The following PPP2R1B variants were observed in gnomAD, a reference collection of about 807,000 sequenced individuals.
PPP2R1B encodes serine/threonine-protein phosphatase 2A 65 kDa regulatory subunit A beta isoform.
In PPP2R1B, 58 loss-of-function variants were observed where a neutral mutation model predicts 72.7. The ratio of observed to expected loss-of-function variants is 0.80; its 90% CI spans 0.65 to 0.99. The LOEUF is 0.99. Ranked by LOEUF, PPP2R1B falls within the 50% of genes least tolerant of loss-of-function variation. PPP2R1B has a pLI of 0.00. For missense variants in PPP2R1B, 695 were observed against 733.6 expected (o/e 0.95, Z 0.61); for synonymous variants, 256 against 264.6 (o/e 0.97, Z 0.32).
chr11:111,723,369 C>A, downstream of PPP2R1B: 1 of 1,033,858 alleles, frequency 9.7e-7, no homozygotes, highest in Non-Finnish European at 1.4e-6. Context: ...CCCATTCCCA[C>A]TTGTTTTTGC....
At chr11:111,702,972 T>C in the PPP2R1B span, among the ~76,000 whole-genome samples, 1 of 152,108 alleles carries the variant, frequency 6.6e-6, no homozygotes, top group East Asian at 1.9e-4. Context: ...AAGTTTCCTT[T>C]AGCCCAGAAT....
chr11:111,733,452 G>C (rs996720929), downstream of PPP2R1B, among the ~76,000 whole-genome samples: 2 of 152,144 alleles, frequency 1.3e-5, no homozygotes, highest in Admixed American at 1.3e-4. Flanking sequence ...GAGGCATTAG[G>C]GATTGAGCTT....
At chr11:111,708,541 TA>T in the PPP2R1B span, among the ~76,000 whole-genome samples, 6 of 152,168 alleles carry the variant, frequency 3.9e-5, no homozygotes, top group South Asian at 2.1e-4. Context: ...AAATACGTCA[TA>T]TTTTTTTCTC....
chr11:111,723,779 GCTC>G (rs1943877466), downstream of PPP2R1B: 12 of 1,613,802 alleles, frequency 7.4e-6, no homozygotes, highest in African/African-American at 1.3e-5. Context: ...TCCCCGGGCT[GCTC>G]CTCCTCTGCC....
At chr11:111,753,335 T>A in intron 9 of PPP2R1B, 108 bp downstream of exon 9, 2 of 1,405,696 alleles carry the variant, frequency 1.4e-6, no homozygotes, top group Non-Finnish European at 1.9e-6. Context: ...AAGTTATGAT[T>A]TTTTTATCCA....
rs150560721 is a variant in PPP2R1B, at chr11:111,727,230, C to G, written c.1912-173G>C. On this transcript the variant is annotated intron_variant, in intron 15 of 15. Coordinates refer to the PPP2R1B transcript ENST00000311129. Reference sequence around the variant, plus strand: ...ACACCATCCACCTTGAGAATCCCTGCGTGGGAGAGCATCAGGGCCCACCAG... The same window carrying G: ...ACACCATCCACCTTGAGAATCCCTGGGTGGGAGAGCATCAGGGCCCACCAG... 7.7e-3 allele frequency: 4,807 copies of G among 625,758 alleles called. 23 individuals carry two copies. Among genetic ancestry groups the G allele is most frequent in the Middle Eastern group, 0.022 (52 of 2,326 alleles). The allele number at this position is 625,758 out of a possible 1,614,324, so 38.8% of individuals were successfully genotyped here.
chr11:111,761,231 G>C (rs1431561077), intron 3 of PPP2R1B, 180 bp from the exon 4 acceptor site: 1 of 702,870 alleles, frequency 1.4e-6, no homozygotes, highest in Non-Finnish European at 2.6e-6. Flanking sequence ...CCAACCCAAA[G>C]ACACGACTTC....
the PPP2R1B span, among the ~76,000 whole-genome samples, chr11:111,692,863 A>T: frequency 6.6e-6 from 1 of 152,230 alleles, no homozygotes; most frequent in Non-Finnish European, 1.5e-5. Flanking sequence ...AAATAAGCTG[A>T]ATAAATGAAC....
the PPP2R1B span, chr11:111,701,397 CAAAG>C: frequency 6.3e-7 from 1 of 1,578,704 alleles, no homozygotes; most frequent in Non-Finnish European, 8.6e-7. This position sits in a 1 kb window ranked among gnomAD's most constrained non-coding sequence, Gnocchi z 4.2. Flanking sequence ...TTCAGGAAAA[CAAAG>C]AGTGTTTGAC....
At chr11:111,710,331 G>C in the PPP2R1B span, among the ~76,000 whole-genome samples, 1 of 152,134 alleles carries the variant, frequency 6.6e-6, no homozygotes, top group African/African-American at 2.4e-5. Flanking sequence ...GTATGCAGTT[G>C]TTTACTTGTT....
rs2136036924 is a variant in PPP2R1B at position 111,739,996 on chromosome 11, G to A, written c.*1600C>T. The A allele has an allele frequency of 6.1e-6, 6 of 981,504 alleles. No individual in the cohort carries two copies. Among genetic ancestry groups the A allele is most frequent in the South Asian group, 9.4e-5 (2 of 21,204 alleles). 60.8% of individuals were successfully genotyped at this position (981,504 alleles called of 1,614,324 possible). ...ATTTTAAAGTATTTAGTAAAACTTG[G>A]TTTTATGTAACAAATATACAAAGTC... On this transcript the variant is annotated 3_prime_UTR_variant, in exon 15 of 15. Transcript: ENST00000527614.
chr11:111,748,477 A>G (rs1456292840), intron 10 of PPP2R1B, among the ~76,000 whole-genome samples: 5 of 152,242 alleles, frequency 3.3e-5, no homozygotes, highest in Non-Finnish European at 7.3e-5. Flanking sequence ...CCAGTTAAAG[A>G]GAGTATTTTC....
chr11:111,718,440 A>T, the PPP2R1B span, among the ~76,000 whole-genome samples: 47 of 152,302 alleles, frequency 3.1e-4, no homozygotes, highest in African/African-American at 1.1e-3. Context: ...GCCAGTGTGG[A>T]AAGGAAGCAT....
the PPP2R1B span, among the ~76,000 whole-genome samples, chr11:111,703,944 G>C: frequency 6.6e-6 from 1 of 152,084 alleles, no homozygotes; most frequent in African/African-American, 2.4e-5. Context: ...AATTCCTCTT[G>C]GCTTTTATTT....
chr11:111,705,364 A>G, the PPP2R1B span, among the ~76,000 whole-genome samples: 1 of 152,182 alleles, frequency 6.6e-6, no homozygotes, highest in African/African-American at 2.4e-5. The surrounding 1 kb of genome is among the most constrained non-coding windows in gnomAD (Gnocchi z 4.3). Flanking sequence ...ATCATTCACA[A>G]TGTTGAGAAT....
the PPP2R1B span, among the ~76,000 whole-genome samples, chr11:111,703,914 G>A: frequency 2.6e-5 from 4 of 152,176 alleles, no homozygotes; most frequent in African/African-American, 9.6e-5. Context: ...ATAGAACTGT[G>A]AAGGGTCATG....
chr11:111,709,497 AAAG>A, the PPP2R1B span, among the ~76,000 whole-genome samples: 1 of 152,248 alleles, frequency 6.6e-6, no homozygotes, highest in Non-Finnish European at 1.5e-5. Context: ...CACAAAGTCC[AAAG>A]AAGAGATTCA....
At chr11:111,703,292 A>G in the PPP2R1B span, 1 of 1,614,200 alleles carries the variant, frequency 6.2e-7, no homozygotes, top group South Asian at 1.1e-5. Context: ...ATGGATGCTC[A>G]TAGAAGTTCC....
intron 10 of PPP2R1B, among the ~76,000 whole-genome samples, chr11:111,748,857 T>C (rs1944797699): frequency 6.6e-6 from 1 of 152,234 alleles, no homozygotes; most frequent in Admixed American, 6.5e-5. Flanking sequence ...AAATAGCTTT[T>C]TTTTTTTGAG....
Sources: gnomAD v4.1 joint callset for allele counts (sites outside exome capture counted in the v4.1 genomes callset) on GRCh38, gnomAD v4.1.1 for gene constraint, Gnocchi (gnomAD v3.1) non-coding constraint, MANE v1.5 for transcripts, NCBI Gene and HGNC (gene_info 2026-07-23, HGNC 2026-07-21) for gene names.